LYZL2: variants seen among roughly 807,000 people sequenced by gnomAD.
The protein encoded by LYZL2 is lysozyme-like protein 2.
A neutral mutation model predicts 17.1 loss-of-function variants in LYZL2; 13 were observed. The ratio of observed to expected loss-of-function variants is 0.76; its 90% CI spans 0.49 to 1.21. The LOEUF (loss-of-function observed/expected upper bound fraction) is 1.21. Ranked by LOEUF, LYZL2 falls within the 50% of genes most tolerant of loss-of-function variation. The pLI, the probability that LYZL2 is intolerant of heterozygous loss-of-function variation, is 0.00. For missense variants in LYZL2, 166 were observed against 189.2 expected (o/e 0.88, Z 0.72); for synonymous variants, 63 against 74.4 (o/e 0.85, Z 0.79).
At chr10:30,612,385 T>C (rs2132933417) in intron 4 of LYZL2, among the ~76,000 whole-genome samples, 1 of 152,344 alleles carries the variant, frequency 6.6e-6, no homozygotes, top group African/African-American at 2.4e-5. Flanking sequence ...CGCTTTCTGC[T>C]GAGTCGCCAT....
At chr10:30,620,190 AAAAC>A (rs1390107473) in intron 3 of LYZL2, among the ~76,000 whole-genome samples, 11 of 152,246 alleles carry the variant, frequency 7.2e-5, no homozygotes, top group African/African-American at 2.7e-4. Flanking sequence ...ATAAAAATAA[AAAAC>A]AGATCCCTGG....
intron 1 of LYZL2, among the ~76,000 whole-genome samples, chr10:30,627,229 G>A (rs901174443): frequency 7.3e-5 from 11 of 151,588 alleles, no homozygotes; most frequent in African/African-American, 2.4e-4. Flanking sequence ...ACCACAAGGG[G>A]CATTTTTAGG....
At chr10:30,611,354 C>A (rs1254454395), downstream of LYZL2, among the ~76,000 whole-genome samples, 1 of 151,788 alleles carries the variant, frequency 6.6e-6, no homozygotes, top group Non-Finnish European at 1.5e-5. Context: ...GAAACCCCAT[C>A]TGGGTGTGGT....
intron 1 of LYZL2, 125 bp from the exon 2 acceptor site, chr10:30,627,065 A>G: frequency 1.5e-6 from 2 of 1,363,882 alleles, no homozygotes; most frequent in Non-Finnish European, 2.0e-6. Flanking sequence ...TGCCACCATC[A>G]GGGAAAACCG....
chr10:30,621,577 C>T lies in LYZL2; in HGVS notation c.298+4528G>A, dbSNP rs188860527. ...CACAGTGTTGTTCTGAGACAGAGCA[C>T]GACCCTGTCTCAAAACAACAACAAT... On this transcript the variant is annotated intron_variant, in intron 3 of 4. Transcript: ENST00000647634. Among the ~76,000 whole-genome samples the T allele has an allele frequency of 2.6e-3, 399 of 152,118 alleles. 2 individuals carry two copies. Among genetic ancestry groups the T allele is most frequent in the Non-Finnish European group, 3.4e-3 (231 of 68,002 alleles).
At chr10:30,620,141 C>A (rs187038001) in intron 3 of LYZL2, among the ~76,000 whole-genome samples, 22 of 152,172 alleles carry the variant, frequency 1.4e-4, no homozygotes, top group African/African-American at 5.1e-4. Flanking sequence ...GAGGCCACTG[C>A]TGTTTTTGTA....
At chr10:30,613,340 TA>T (rs1838475796) in intron 3 of LYZL2, among the ~76,000 whole-genome samples, 1 of 151,516 alleles carries the variant, frequency 6.6e-6, no homozygotes, top group Non-Finnish European at 1.5e-5. Flanking sequence ...CTACAAAATG[TA>T]AAAAAAATAG....
chr10:30,629,557 G>C (rs75095145), intron 1 of LYZL2, 36 bp downstream of exon 1: 1 of 1,509,972 alleles, frequency 6.6e-7, no homozygotes, highest in Non-Finnish European at 8.9e-7. Context: ...TGGTTCTCAG[G>C]GACAGGTGGC....
intron 1 of LYZL2, among the ~76,000 whole-genome samples, chr10:30,629,082 G>C (rs1291454359): frequency 6.6e-6 from 1 of 152,182 alleles, no homozygotes; most frequent in Non-Finnish European, 1.5e-5. Flanking sequence ...GTGAGGGACA[G>C]ACAAACGAGG....
At position 30,617,674 on chromosome 10, in the gene LYZL2, C is replaced by CAAAAAAAAAAAAAAAAAAAAAAA. The variant is rs1165550893; in HGVS notation, c.299-4797_299-4775dup. On this transcript the variant is annotated intron_variant, in intron 3 of 4. Transcript: ENST00000647634. Reference sequence around the variant, plus strand: ...TGGGTGACAGAGTGAGACTCTGTCTCAAAAAAAAAAAAAAAAAAAAAAAAG... The same window carrying CAAAAAAAAAAAAAAAAAAAAAAA: ...TGGGTGACAGAGTGAGACTCTGTCTCAAAAAAAAAAAAAAAAAAAAAAAAAAAAAAAAAAAAAAAAAAAAAAAG... Among the ~76,000 whole-genome samples, 17 of 50,214 alleles carry CAAAAAAAAAAAAAAAAAAAAAAA rather than the reference C, an allele frequency of 3.4e-4. 1 individual carries two copies. Among genetic ancestry groups the CAAAAAAAAAAAAAAAAAAAAAAA allele is most frequent in the South Asian group, 1.8e-3 (2 of 1,086 alleles). 32.9% of individuals were successfully genotyped at this position (50,214 alleles called of 152,430 possible). A position where few individuals can be genotyped will look rare whatever the true frequency, so the allele number is the denominator to read the frequency against.
At chr10:30,611,696 G>GAA (rs1456120389), downstream of LYZL2, 783 of 392,044 alleles carry the variant, frequency 2.0e-3, 9 homozygotes, top group African/African-American at 0.026. Context: ...AGGAAAGAAA[G>GAA]AAAGAAAAAG....
intron 1 of LYZL2, among the ~76,000 whole-genome samples, chr10:30,627,676 C>A (rs1288106750): frequency 2.0e-5 from 3 of 152,126 alleles, no homozygotes; most frequent in Non-Finnish European, 1.5e-5. Context: ...ATTGGTAAGG[C>A]TTCCAGTCAG....
rs529559477 is a variant in LYZL2 at position 30,620,491 on chromosome 10, T to C, written c.298+5614A>G. Reference sequence around the variant, plus strand: ...CTTTTTCTTTCTCAATAAATTACTTTATGCTACATCTCCTTTGCTATGTGT... The same window carrying C: ...CTTTTTCTTTCTCAATAAATTACTTCATGCTACATCTCCTTTGCTATGTGT... On this transcript the variant is annotated intron_variant, in intron 3 of 4. Coordinates refer to ENST00000647634, the MANE Select transcript of LYZL2 (RefSeq NM_183058.3). Among the ~76,000 whole-genome samples, 96 of 152,364 alleles carry C rather than the reference T, an allele frequency of 6.3e-4. 1 individual carries two copies. Among genetic ancestry groups the C allele is most frequent in the South Asian group, 1.2e-3 (6 of 4,830 alleles).
chr10:30,612,893 G>A lies in LYZL2; in HGVS notation c.306C>T (p.Val102=). 1 of 1,613,710 alleles carries A rather than the reference G, an allele frequency of 6.2e-7. No homozygotes were observed. The highest frequency in any genetic ancestry group is 1.3e-5 in the African/African-American group (1 of 75,052). The change falls in exon 4 of 5, where the codon GTC becomes GTT. Residue 102 remains valine (V), a synonymous_variant. Coordinates refer to ENST00000647634, the MANE Select transcript of LYZL2 (RefSeq NM_183058.3). ...NHCHVACSAL[V]TDDLTDAIIC... ...TAATCGCATCTGTGAGGTCATCAGT[G>A]ACCAAGGCTGTAAAAAGAGAGGTCA... is the stretch of plus-strand genomic sequence containing the variant.
chr10:30,626,345 T>A (rs562267672), intron 2 of LYZL2, 82 bp from the exon 3 acceptor site: 3 of 1,568,972 alleles, frequency 1.9e-6, no homozygotes, highest in Non-Finnish European at 2.6e-6. Flanking sequence ...AGTTTCCTCA[T>A]CCCTGTTACC....
In LYZL2 at chr10:30,612,838, G is replaced by T. The variant is rs1222704942; in HGVS notation, c.361C>A (p.Gln121Lys). Residue 121 changes from glutamine to lysine, a missense_variant, in exon 4 of 5, where the codon CAA becomes AAA. Physicochemically the swap from Gln to Lys is moderately conservative, Grantham distance 53. Coordinates refer to ENST00000647634, the MANE Select transcript of LYZL2 (RefSeq NM_183058.3). ...GACTCTTACCAATAGTTCATTCCTT[G>T]TGTCTCTTTAACAATTTTCTTGGCA... is the stretch of plus-strand genomic sequence containing the variant. ...ICAKKIVKET[Q>K]GMNYWQGWKK... 4 of 1,613,254 alleles carry T rather than the reference G, an allele frequency of 2.5e-6. No individual in the cohort carries two copies. Among genetic ancestry groups the T allele is most frequent in the Non-Finnish European group, 3.4e-6 (4 of 1,179,202 alleles).
chr10:30,612,011 T>C lies in LYZL2; in HGVS notation c.391A>G (p.Lys131Glu), dbSNP rs1838453945. 2 of 1,614,078 alleles carry C rather than the reference T, an allele frequency of 1.2e-6. No individual in the cohort carries two copies. Among genetic ancestry groups the C allele is most frequent in the Non-Finnish European group, 1.7e-6 (2 of 1,180,030 alleles). ...QGMNYWQGWK[K>E]HCEGRDLSDW... The stretch of plus-strand genomic sequence containing the variant: ...GACAGGTCTCTCCCCTCACAGTGTT[T>C]CTTCCAGCCTTGCCTGAGGACGAGA... The change falls in exon 5 of 5, where the codon AAA becomes GAA. Residue 131 changes from lysine to glutamate, a missense_variant. By Grantham distance (56) the Lys-to-Glu change is moderately conservative (BLOSUM62 1). This residue lies in a region of LYZL2 where 134 missense variants were observed against 129.4 expected (regional missense o/e 1.04). Coordinates refer to ENST00000647634, the MANE Select transcript of LYZL2 (RefSeq NM_183058.3).
At chr10:30,628,138 C>A (rs1264102994) in intron 1 of LYZL2, among the ~76,000 whole-genome samples, 3 of 151,382 alleles carry the variant, frequency 2.0e-5, no homozygotes, top group Admixed American at 6.6e-5. Context: ...CCAGCCTGGG[C>A]GACAGAGCGA....
At chr10:30,613,227 G>A (rs182008099) in intron 3 of LYZL2, among the ~76,000 whole-genome samples, 4 of 152,298 alleles carry the variant, frequency 2.6e-5, no homozygotes, top group African/African-American at 9.6e-5. Flanking sequence ...GGCCGGGCGT[G>A]GTGGCTGACC....
Sources: allele counts gnomAD v4.1 joint callset (sites outside exome capture counted in the v4.1 genomes callset), GRCh38; gene constraint gnomAD v4.1.1; regional missense constraint gnomAD v4.1.1; transcripts MANE v1.5; gene names NCBI Gene and HGNC (gene_info 2026-07-23, HGNC 2026-07-21).